The following NRXN1 variants were observed in gnomAD, a reference collection of about 807,000 sequenced individuals.
NRXN1 encodes the protein neurexin-1.
Under a neutral mutation model 150.9 loss-of-function variants are expected in NRXN1, and 39 were observed. The observed-to-expected ratio is 0.26, with a 90% CI of 0.20 to 0.34. The LOEUF (loss-of-function observed/expected upper bound fraction) is 0.34. NRXN1 is among the 10% of genes least tolerant of loss of function. The pLI is 1.00. For missense variants in NRXN1, 1,815 were observed against 1,949.9 expected (o/e 0.93, Z 1.30); for synonymous variants, 924 against 757.0 (o/e 1.22, Z -3.62).
intron 5 of NRXN1, among the ~76,000 whole-genome samples, chr2:50,718,534 A>G (rs1165929607): frequency 6.6e-6 from 1 of 152,204 alleles, no homozygotes; most frequent in Non-Finnish European, 1.5e-5. Context: ...AGAAACAGAA[A>G]GTTTTACTAA....
At chr2:50,595,189 T>C (rs1418766800) in intron 8 of NRXN1, among the ~76,000 whole-genome samples, 1 of 152,030 alleles carries the variant, frequency 6.6e-6, no homozygotes, top group Non-Finnish European at 1.5e-5. Context: ...CTCAGTGTGC[T>C]GAGTATAAGA....
At chr2:50,846,210 G>C (rs1202568760) in intron 5 of NRXN1, among the ~76,000 whole-genome samples, 9 of 152,006 alleles carry the variant, frequency 5.9e-5, no homozygotes, top group Admixed American at 5.9e-4. Flanking sequence ...TGTTCATTTT[G>C]TTTTGTGTTT....
chr2:51,023,520 A>G (rs1669950095), intron 2 of NRXN1, among the ~76,000 whole-genome samples: 1 of 152,116 alleles, frequency 6.6e-6, no homozygotes, highest in Non-Finnish European at 1.5e-5. Flanking sequence ...ACTTTTTCAG[A>G]TTTCAGTTTA....
chr2:50,817,440 C>T (rs993483231), intron 5 of NRXN1, among the ~76,000 whole-genome samples: 7 of 151,892 alleles, frequency 4.6e-5, no homozygotes, highest in African/African-American at 9.7e-5. Context: ...AAAAATAGTG[C>T]TAATTCTTCT....
chr2:50,520,461 T>C (rs1006437270), intron 12 of NRXN1, among the ~76,000 whole-genome samples: 2 of 151,186 alleles, frequency 1.3e-5, no homozygotes, highest in African/African-American at 2.4e-5. Flanking sequence ...AGATGATGAA[T>C]AGAAAAAAAA....
intron 18 of NRXN1, among the ~76,000 whole-genome samples, chr2:50,142,270 G>T (rs1322277713): frequency 6.6e-6 from 1 of 151,784 alleles, no homozygotes; most frequent in African/African-American, 2.4e-5. Flanking sequence ...TTATGGAGGT[G>T]GAGAGTATAA....
intron 11 of NRXN1, chr2:50,528,994 T>G: frequency 4.2e-6 from 1 of 237,062 alleles, no homozygotes; most frequent in South Asian, 6.7e-5. Flanking sequence ...TTCCGCAAAA[T>G]GTAAAAGTGC....
chr2:50,897,775 G>A (rs931310714), intron 5 of NRXN1, among the ~76,000 whole-genome samples: 12 of 152,118 alleles, frequency 7.9e-5, no homozygotes, highest in Non-Finnish European at 1.8e-4. Context: ...GGTTTATAAA[G>A]GAGTATAAAG....
intron 18 of NRXN1, among the ~76,000 whole-genome samples, chr2:50,117,890 T>C (rs1017033594): frequency 2.0e-5 from 3 of 152,146 alleles, no homozygotes; most frequent in African/African-American, 4.8e-5. Context: ...ACGGCCTCTA[T>C]TGCTGAAAAA....
intron 17 of NRXN1, among the ~76,000 whole-genome samples, chr2:50,351,661 T>G (rs2153001433): frequency 6.6e-6 from 1 of 152,196 alleles, no homozygotes; most frequent in Admixed American, 6.5e-5. Flanking sequence ...TAATAAAAAC[T>G]AACACTTATT....
At chr2:50,315,858 A>C (rs1016457208) in intron 17 of NRXN1, among the ~76,000 whole-genome samples, 11 of 152,132 alleles carry the variant, frequency 7.2e-5, no homozygotes, top group Non-Finnish European at 1.3e-4. Flanking sequence ...TCCTCTTCTG[A>C]AAATTACTGG....
intron 21 of NRXN1, among the ~76,000 whole-genome samples, chr2:50,050,581 A>C (rs1462472917): frequency 5.3e-5 from 8 of 152,074 alleles, no homozygotes; most frequent in Admixed American, 5.3e-4. Flanking sequence ...GACAACATTT[A>C]AAGGAAGATG....
At chr2:50,618,507 A>T (rs1234747045) in intron 8 of NRXN1, among the ~76,000 whole-genome samples, 2 of 152,058 alleles carry the variant, frequency 1.3e-5, no homozygotes, top group Admixed American at 6.6e-5. Context: ...TAGGAACTCT[A>T]ACAAACATTT....
At chr2:50,659,510 T>C (rs1007417215) in intron 5 of NRXN1, among the ~76,000 whole-genome samples, 3 of 151,944 alleles carry the variant, frequency 2.0e-5, no homozygotes, top group Admixed American at 6.6e-5. Context: ...ATAAATGGAA[T>C]GAATCCTACT....
At chr2:50,600,682 AC>A (rs1676123226) in intron 8 of NRXN1, among the ~76,000 whole-genome samples, 1 of 152,122 alleles carries the variant, frequency 6.6e-6, no homozygotes, top group South Asian at 2.1e-4. Flanking sequence ...TGTTTTATGG[AC>A]CCTGGAACAG....
intron 21 of NRXN1, among the ~76,000 whole-genome samples, chr2:50,035,472 A>G (rs560204804): frequency 2.0e-5 from 3 of 152,164 alleles, no homozygotes; most frequent in African/African-American, 7.2e-5. Flanking sequence ...AGCAGATTTT[A>G]TAGGAATGTG....
At chr2:50,829,999 G>GAAAAAAAAAAAGAAAAA (rs1671181370) in intron 5 of NRXN1, among the ~76,000 whole-genome samples, 1 of 58,206 alleles carries the variant, frequency 1.7e-5, no homozygotes. Context: ...CTGCCTGCTG[G>GAAAAAAAAAAAGAAAAA]AAAAAAAAAA....
intron 19 of NRXN1, among the ~76,000 whole-genome samples, chr2:50,079,869 GGTAA>G (rs1321857004): frequency 6.6e-6 from 1 of 151,904 alleles, no homozygotes; most frequent in Non-Finnish European, 1.5e-5. Flanking sequence ...AATAATGAAC[GGTAA>G]TATGGTAGTC....
At chr2:50,928,647 T>C (rs984489555) in intron 2 of NRXN1, among the ~76,000 whole-genome samples, 4 of 152,062 alleles carry the variant, frequency 2.6e-5, no homozygotes, top group Admixed American at 6.6e-5. Context: ...TACACACAAA[T>C]GCTACTTTGC....
Sources: gnomAD v4.1 joint callset for allele counts (sites outside exome capture counted in the v4.1 genomes callset) on GRCh38, gnomAD v4.1.1 for gene constraint, MANE v1.5 for transcripts, NCBI Gene and HGNC (gene_info 2026-07-23, HGNC 2026-07-21) for gene names.